The following ANKRD30B variants were observed in gnomAD, a reference collection of about 807,000 sequenced individuals.
ANKRD30B encodes the protein ankyrin repeat domain 30B.
In ANKRD30B, 144 loss-of-function variants were observed where a neutral mutation model predicts 202.2. That is an observed-to-expected ratio of 0.71 (90% CI 0.62 to 0.82). ANKRD30B has a LOEUF of 0.82. ANKRD30B is among the 40% of genes least tolerant of loss of function. The pLI, the probability that ANKRD30B is intolerant of heterozygous loss-of-function variation, is 0.00. For missense variants in ANKRD30B, 1,487 were observed against 1,669.1 expected (o/e 0.89, Z 1.90); for synonymous variants, 508 against 561.3 (o/e 0.91, Z 1.34).
intron 18 of ANKRD30B, 119 bp from the exon 19 acceptor site, chr18:14,797,542 A>G (rs1263980933): frequency 8.6e-7 from 1 of 1,166,588 alleles, no homozygotes; most frequent in Non-Finnish European, 1.3e-6. Flanking sequence ...CCCAAAACCT[A>G]GTGTAATCCC....
chr18:14,798,560 A>T (rs1207111707), intron 20 of ANKRD30B, among the ~76,000 whole-genome samples: 1 of 151,982 alleles, frequency 6.6e-6, no homozygotes, highest in Non-Finnish European at 1.5e-5. Context: ...CTCAGAAGGG[A>T]GTATGCCTTA....
At chr18:14,789,551 T>G (rs563837066) in intron 15 of ANKRD30B, among the ~76,000 whole-genome samples, 1 of 152,244 alleles carries the variant, frequency 6.6e-6, no homozygotes, top group Non-Finnish European at 1.5e-5. Flanking sequence ...TTAATCCATC[T>G]TGAATTACTT....
chr18:14,780,946 T>C (rs1483471825), intron 11 of ANKRD30B, among the ~76,000 whole-genome samples: 1 of 152,182 alleles, frequency 6.6e-6, no homozygotes, highest in Non-Finnish European at 1.5e-5. Flanking sequence ...TATAGCAACA[T>C]AAGTATCAAA....
chr18:14,837,811 C>G (rs1971243797), intron 36 of ANKRD30B, 135 bp downstream of exon 36: 2 of 1,029,684 alleles, frequency 1.9e-6, no homozygotes, highest in African/African-American at 1.7e-5. Context: ...GTCAGGAGAT[C>G]GAGACCATCC....
chr18:14,825,894 C>T (rs1193497271), intron 32 of ANKRD30B, among the ~76,000 whole-genome samples: 1 of 152,032 alleles, frequency 6.6e-6, no homozygotes, highest in Non-Finnish European at 1.5e-5. Context: ...GAAGAAATTT[C>T]AGGTCATTCA....
the ANKRD30B span, among the ~76,000 whole-genome samples, chr18:14,909,355 A>G: frequency 1.3e-5 from 2 of 152,144 alleles, no homozygotes; most frequent in Non-Finnish European, 2.9e-5. Context: ...CATACCTGAC[A>G]CTGCTGAACA....
At chr18:14,780,860 G>A (rs1439561417) in intron 11 of ANKRD30B, among the ~76,000 whole-genome samples, 11 of 149,364 alleles carry the variant, frequency 7.4e-5, no homozygotes, top group Non-Finnish European at 3.0e-5. Flanking sequence ...GGGACAATTT[G>A]TTTGAGTAGT....
chr18:14,817,821 A>G (rs574836694), intron 30 of ANKRD30B, among the ~76,000 whole-genome samples: 1 of 152,214 alleles, frequency 6.6e-6, no homozygotes, highest in Non-Finnish European at 1.5e-5. Flanking sequence ...TCTCATCATA[A>G]TTAAAGCAGG....
the ANKRD30B span, among the ~76,000 whole-genome samples, chr18:14,889,483 T>C: frequency 1.3e-5 from 2 of 152,106 alleles, no homozygotes; most frequent in African/African-American, 4.8e-5. Context: ...CCAATTATAT[T>C]TTATTACAGT....
intron 32 of ANKRD30B, among the ~76,000 whole-genome samples, chr18:14,824,866 C>G (rs1970597590): frequency 1.3e-5 from 2 of 152,142 alleles, no homozygotes; most frequent in Admixed American, 1.3e-4. Flanking sequence ...TCATAGATAA[C>G]ATGTGAAGAA....
the ANKRD30B span, among the ~76,000 whole-genome samples, chr18:14,938,332 C>T: frequency 6.6e-6 from 1 of 152,196 alleles, no homozygotes; most frequent in Non-Finnish European, 1.5e-5. Context: ...CTTCTTTTCC[C>T]ACAGAACACA....
the ANKRD30B span, among the ~76,000 whole-genome samples, chr18:14,867,890 C>T: frequency 6.6e-6 from 1 of 152,214 alleles, no homozygotes; most frequent in African/African-American, 2.4e-5. Flanking sequence ...TCACTTTCTG[C>T]ATCCTGTTGT....
At chr18:14,752,518 TTG>T in intron 1 of ANKRD30B, 46 bp from the exon 2 acceptor site, 1 of 1,418,878 alleles carries the variant, frequency 7.0e-7, no homozygotes, top group Non-Finnish European at 9.7e-7. Context: ...GTTGTATGTT[TTG>T]AGACAGTGGG....
intron 4 of ANKRD30B, among the ~76,000 whole-genome samples, chr18:14,756,225 C>A (rs1031774402): frequency 6.6e-6 from 1 of 151,988 alleles, no homozygotes; most frequent in African/African-American, 2.4e-5. Flanking sequence ...TCTGTTCATA[C>A]CCTTTGCCCA....
the ANKRD30B span, among the ~76,000 whole-genome samples, chr18:14,918,531 A>G: frequency 6.6e-6 from 1 of 152,136 alleles, no homozygotes; most frequent in Non-Finnish European, 1.5e-5. Flanking sequence ...AAGGCCAAAT[A>G]GGCCCTCCCC....
At chr18:14,899,418 C>G in the ANKRD30B span, among the ~76,000 whole-genome samples, 1 of 152,116 alleles carries the variant, frequency 6.6e-6, no homozygotes, top group South Asian at 2.1e-4. Context: ...GTTTTGGGAT[C>G]TAATCATTAA....
At chr18:14,782,064 A>G (rs1967782911) in intron 11 of ANKRD30B, among the ~76,000 whole-genome samples, 1 of 152,160 alleles carries the variant, frequency 6.6e-6, no homozygotes, top group Non-Finnish European at 1.5e-5. Flanking sequence ...AAGTTATGCA[A>G]ACTTCTCGGC....
chr18:14,750,675 C>T, intron 1 of ANKRD30B, among the ~76,000 whole-genome samples: 1 of 152,096 alleles, frequency 6.6e-6, no homozygotes, highest in Middle Eastern at 3.4e-3. Context: ...AAAAAGAATC[C>T]ATTTAATGGC....
the ANKRD30B span, among the ~76,000 whole-genome samples, chr18:14,862,880 T>C: frequency 4.6e-5 from 7 of 152,244 alleles, no homozygotes; most frequent in Admixed American, 4.6e-4. Flanking sequence ...TTTTGGAGCT[T>C]GAAGGTTTTA....
Sources: gnomAD v4.1 joint callset for allele counts (sites outside exome capture counted in the v4.1 genomes callset) on GRCh38, gnomAD v4.1.1 for gene constraint, MANE v1.5 for transcripts, NCBI Gene and HGNC (gene_info 2026-07-23, HGNC 2026-07-21) for gene names.